KCNIP4: variants seen among roughly 807,000 people sequenced by gnomAD.
KCNIP4 encodes Kv channel-interacting protein 4.
A neutral mutation model predicts 34.0 loss-of-function variants in KCNIP4; 12 were observed. That is an observed-to-expected ratio of 0.35 (90% CI 0.23 to 0.57). KCNIP4 has a LOEUF of 0.57. Ranked by LOEUF, KCNIP4 falls within the 20% of genes least tolerant of loss-of-function variation. The pLI, the probability that KCNIP4 is intolerant of heterozygous loss-of-function variation, is 0.83. For missense variants in KCNIP4, 238 were observed against 311.7 expected, an observed-to-expected ratio of 0.76 and a Z score of 1.78; for synonymous variants, 124 against 102.2, an observed-to-expected ratio of 1.21 and a Z score of -1.29.
At chr4:21,606,385 G>C (rs1743672271) in intron 1 of KCNIP4, among the ~76,000 whole-genome samples, 15 of 152,146 alleles carry the variant, frequency 9.9e-5, no homozygotes. Context: ...AGTCAGCAGA[G>C]TCATTACTTT....
intron 1 of KCNIP4, among the ~76,000 whole-genome samples, chr4:21,521,600 T>C (rs1374296860): frequency 6.6e-6 from 1 of 152,168 alleles, no homozygotes; most frequent in Non-Finnish European, 1.5e-5. Context: ...GTTGTAGGGT[T>C]GTCATCTAAT....
intron 3 of KCNIP4, among the ~76,000 whole-genome samples, chr4:20,803,783 G>GAACAGA (rs1714726653): frequency 6.9e-6 from 1 of 144,894 alleles, no homozygotes; most frequent in African/African-American, 2.6e-5. Context: ...GGAAAATAGA[G>GAACAGA]AACAGAAAAA....
At chr4:21,897,012 C>T (rs928416945) in intron 1 of KCNIP4, among the ~76,000 whole-genome samples, 23 of 151,468 alleles carry the variant, frequency 1.5e-4, no homozygotes, top group African/African-American at 5.6e-4. Context: ...TTTGTTTATA[C>T]CCTGGCTATA....
chr4:21,516,553 G>T (rs1734776905), intron 1 of KCNIP4, among the ~76,000 whole-genome samples: 1 of 152,078 alleles, frequency 6.6e-6, no homozygotes, highest in Non-Finnish European at 1.5e-5. Flanking sequence ...AATATTTAGG[G>T]TACTTATAAA....
At chr4:21,172,712 C>CAGAGTATAAAAT (rs1754102970) in intron 1 of KCNIP4, among the ~76,000 whole-genome samples, 1 of 152,136 alleles carries the variant, frequency 6.6e-6, no homozygotes, top group East Asian at 1.9e-4. Flanking sequence ...TATAAAGCCC[C>CAGAGTATAAAAT]ACTCTGGTCC....
At chr4:21,771,897 A>G (rs958390606) in intron 1 of KCNIP4, among the ~76,000 whole-genome samples, 5 of 152,150 alleles carry the variant, frequency 3.3e-5, no homozygotes, top group African/African-American at 1.2e-4. Context: ...TTCTCTTCCT[A>G]TTTGAATACC....
At chr4:21,777,320 C>T (rs941614540) in intron 1 of KCNIP4, among the ~76,000 whole-genome samples, 4 of 152,166 alleles carry the variant, frequency 2.6e-5, no homozygotes, top group Admixed American at 2.0e-4. Flanking sequence ...CTCTAACTTA[C>T]CACAAATTTA....
At chr4:21,439,161 C>CA (rs76317670) in intron 1 of KCNIP4, among the ~76,000 whole-genome samples, 36,066 of 92,962 alleles carry the variant, frequency 0.39, 6,072 homozygotes, top group Non-Finnish European at 0.44. Flanking sequence ...TAATCTGTCT[C>CA]AAAAAAAAAA....
intron 1 of KCNIP4, among the ~76,000 whole-genome samples, chr4:21,109,270 G>T (rs543274201): frequency 6.6e-6 from 1 of 152,140 alleles, no homozygotes; most frequent in Non-Finnish European, 1.5e-5. Flanking sequence ...CGAGCTTCCC[G>T]GCTGCTTTGT....
At chr4:21,870,130 C>T (rs1037318976) in intron 1 of KCNIP4, among the ~76,000 whole-genome samples, 7 of 152,100 alleles carry the variant, frequency 4.6e-5, no homozygotes, top group Non-Finnish European at 4.4e-5. Context: ...TGCAACTTAG[C>T]GTCACCTTAG....
At chr4:21,552,442 T>C (rs1456016397) in intron 1 of KCNIP4, among the ~76,000 whole-genome samples, 1 of 152,170 alleles carries the variant, frequency 6.6e-6, no homozygotes, top group East Asian at 1.9e-4. Flanking sequence ...CAGTCTTGCC[T>C]TACAAGAACT....
At chr4:21,821,231 G>C (rs1251605507) in intron 1 of KCNIP4, among the ~76,000 whole-genome samples, 1 of 152,008 alleles carries the variant, frequency 6.6e-6, no homozygotes, top group Non-Finnish European at 1.5e-5. Context: ...TGTATGTCTT[G>C]ACCCACCCAT....
intron 1 of KCNIP4, among the ~76,000 whole-genome samples, chr4:21,915,952 C>T (rs1728604792): frequency 6.6e-6 from 1 of 152,128 alleles, no homozygotes; most frequent in South Asian, 2.1e-4. Flanking sequence ...GAGACATTTC[C>T]CCATTAGACT....
intron 1 of KCNIP4, among the ~76,000 whole-genome samples, chr4:21,541,037 G>A (rs1737642307): frequency 1.3e-5 from 2 of 152,076 alleles, no homozygotes; most frequent in South Asian, 4.1e-4. Context: ...CAGGCATGGT[G>A]GCGCATGCCT....
intron 1 of KCNIP4, among the ~76,000 whole-genome samples, chr4:21,133,523 A>C (rs906655363): frequency 6.6e-6 from 1 of 152,110 alleles, no homozygotes; most frequent in East Asian, 1.9e-4. Context: ...CTTGTCTTCT[A>C]TTCTGCCCAG....
At chr4:21,806,304 T>C (rs1721296104) in intron 1 of KCNIP4, among the ~76,000 whole-genome samples, 1 of 152,212 alleles carries the variant, frequency 6.6e-6, no homozygotes, top group Non-Finnish European at 1.5e-5. Context: ...ATTTAGTTAC[T>C]ACTTGCCTGA....
rs146832874 is a variant in KCNIP4, at chr4:21,178,704, G to A, written c.62-295995C>T. The stretch of plus-strand genomic sequence containing the variant: ...AGTGTTTGCTTCCTCCTGTCCTGTC[G>A]TCAGCCATATTTCTAACATCCCATT... On this transcript the variant is annotated intron_variant, in intron 1 of 8. Coordinates refer to ENST00000382152, the MANE Select transcript of KCNIP4 (RefSeq NM_025221.6). 4.5e-3 allele frequency among the ~76,000 whole-genome samples: 690 copies of A among 151,686 alleles called. 7 individuals are homozygous for A. The highest frequency in any genetic ancestry group is 0.015 in the African/African-American group (636 of 41,290).
intron 1 of KCNIP4, among the ~76,000 whole-genome samples, chr4:21,063,488 C>G (rs1209075276): frequency 2.6e-5 from 4 of 152,124 alleles, no homozygotes; most frequent in African/African-American, 7.2e-5. Context: ...TATTAAGTGT[C>G]TTCATCCATA....
intron 1 of KCNIP4, among the ~76,000 whole-genome samples, chr4:21,165,778 T>C (rs2109280174): frequency 6.6e-6 from 1 of 152,284 alleles, no homozygotes; most frequent in South Asian, 2.1e-4. Flanking sequence ...GTGGTATGGA[T>C]TGAATGTTTG....
Sources: allele counts gnomAD v4.1 joint callset (sites outside exome capture counted in the v4.1 genomes callset), GRCh38; gene constraint gnomAD v4.1.1; transcripts MANE v1.5; gene names NCBI Gene and HGNC (gene_info 2026-07-23, HGNC 2026-07-21).